ARRDC1: variants seen among roughly 807,000 people sequenced by gnomAD.
The protein encoded by ARRDC1 is arrestin domain-containing protein 1.
ARRDC1 carries 37 observed loss-of-function variants against 40.1 expected under a neutral mutation model. The observed-to-expected ratio is 0.92, with a 90% CI of 0.71 to 1.21. The LOEUF is 1.21. ARRDC1 is among the 50% of genes most tolerant of loss of function. ARRDC1 has a pLI of 0.00. For missense variants in ARRDC1, 641 were observed against 581.9 expected, an observed-to-expected ratio of 1.10 and a Z score of -1.04; for synonymous variants, 310 against 262.5, an observed-to-expected ratio of 1.18 and a Z score of -1.75.
Position 137,612,967 on chromosome 9 carries a change from G to A in ARRDC1, c.190G>A (p.Glu64Lys), listed in dbSNP as rs1842562482. The change falls in exon 2 of 8, where the codon GAG (glutamate) becomes AAG (lysine). Residue 64 changes from glutamate to lysine, a missense_variant. Coordinates refer to ENST00000371421, the MANE Select transcript of ARRDC1 (RefSeq NM_152285.4). Reference sequence around the variant, plus strand: ...TAATGACACAGCGTGGGTAGTGGAGGAGGGTTACTTCAACAGTTCCCTGTC... The same window carrying A: ...TAATGACACAGCGTGGGTAGTGGAGAAGGGTTACTTCAACAGTTCCCTGTC... Reference protein sequence around the residue: ...KANDTAWVVEEGYFNSSLSLA... With the variant: ...KANDTAWVVEKGYFNSSLSLA... 2 of 1,614,092 alleles carry A rather than the reference G, an allele frequency of 1.2e-6. No homozygotes were observed. The highest frequency in any genetic ancestry group is 1.3e-5 in the African/African-American group (1 of 74,958).
rs768516603 is a variant in ARRDC1, at chr9:137,613,061, G to A, written c.229+55G>A. On this transcript the variant is annotated intron_variant, in intron 2 of 7. Coordinates refer to ENST00000371421, the MANE Select transcript of ARRDC1 (RefSeq NM_152285.4). Reference sequence around the variant, plus strand: ...GACCCCTGGGGGCAGCCCTTGGAGTGGGGCCTGTCTGTCCTGTCCTCCCCC... The same window carrying A: ...GACCCCTGGGGGCAGCCCTTGGAGTAGGGCCTGTCTGTCCTGTCCTCCCCC... 4.5e-6 allele frequency: 6 copies of A among 1,338,904 alleles called. No individual in the cohort carries two copies. In the Admixed American group the frequency reaches 1.1e-4, roughly 25 times the overall value. The allele number at this position is 1,338,904 out of a possible 1,614,324, so 82.9% of individuals were successfully genotyped here.
In ARRDC1 at chr9:137,613,344, A is replaced by C. The variant is rs559518642; in HGVS notation, c.230-116A>C. On this transcript the variant is annotated intron_variant, in intron 2 of 7. Coordinates refer to ENST00000371421, the MANE Select transcript of ARRDC1 (RefSeq NM_152285.4). The stretch of plus-strand genomic sequence containing the variant: ...TGCTGCTGTGGCGCTGGTGACTGAG[A>C]CAGGGAGACCCAGTGTGAGCTGGTC... 7 of 1,174,376 alleles carry C rather than the reference A, an allele frequency of 6.0e-6. No individual in the cohort carries two copies. In the East Asian group the frequency reaches 1.8e-4, roughly 30 times the overall value. 72.7% of individuals were successfully genotyped at this position (1,174,376 alleles called of 1,614,324 possible). A position where few individuals can be genotyped will look rare whatever the true frequency, so the allele number is the denominator to read the frequency against.
intron 1 of ARRDC1, among the ~76,000 whole-genome samples, chr9:137,606,891 G>A (rs560138016): frequency 6.6e-6 from 1 of 152,358 alleles, no homozygotes. Flanking sequence ...GGACCCTGTC[G>A]TCCTTCCCCT....
chr9:137,614,331 C>G lies in ARRDC1; in HGVS notation c.651C>G (p.His217Gln), dbSNP rs755828826. Residue 217 changes from histidine (H) to glutamine (Q), a missense_variant, in exon 6 of 8, where the codon CAC becomes CAG. Transcript: ENST00000371421. ...CCTATAAGGCCAAGCGCTGGATCCACGACGTACGGACCATTGCGGAGGTGG... is the reference window on the plus strand; with the variant it reads ...CCTATAAGGCCAAGCGCTGGATCCAGGACGTACGGACCATTGCGGAGGTGG... ...KVSYKAKRWI[H>Q]DVRTIAEVEG... The G allele has an allele frequency of 6.2e-7, 1 of 1,609,996 alleles. No homozygotes were observed. Among genetic ancestry groups the G allele is most frequent in the East Asian group, 2.2e-5 (1 of 44,842 alleles).
At chr9:137,609,027 C>T (rs886498173) in intron 1 of ARRDC1, among the ~76,000 whole-genome samples, 2 of 152,162 alleles carry the variant, frequency 1.3e-5, no homozygotes, top group African/African-American at 4.8e-5. Flanking sequence ...TGACGGTTTT[C>T]GCGATGCTTT....
intron 1 of ARRDC1, among the ~76,000 whole-genome samples, chr9:137,607,221 G>A (rs1175744053): frequency 6.6e-6 from 1 of 152,364 alleles, no homozygotes; most frequent in East Asian, 1.9e-4. Flanking sequence ...AGGGTGTACC[G>A]GGGCCCCCGG....
rs1428685095 is a variant in ARRDC1, at chr9:137,614,541, C to T, written c.796-18C>T. On this transcript the variant is annotated intron_variant, in intron 6 of 7. Transcript: ENST00000371421. ...GCCTTGGCCCTGGCCCCTCATGCCC[C>T]ACCTCAATCCTGTCCAGGTCTCTCT... 6.2e-7 allele frequency: 1 copy of T among 1,612,892 alleles called. No individual in the cohort carries two copies.
chr9:137,606,110 G>C (rs985055959), intron 1 of ARRDC1, among the ~76,000 whole-genome samples: 6 of 151,040 alleles, frequency 4.0e-5, no homozygotes, highest in Non-Finnish European at 8.9e-5. Flanking sequence ...GCGGGCGCAC[G>C]CAGGCCTGCG....
At chr9:137,610,338 G>A (rs1287000075) in intron 1 of ARRDC1, among the ~76,000 whole-genome samples, 1 of 152,176 alleles carries the variant, frequency 6.6e-6, no homozygotes, top group Non-Finnish European at 1.5e-5. Context: ...GCTGGCATAC[G>A]GGTTAGTCTG....
Position 137,615,170 on chromosome 9 carries a change from C to G in ARRDC1, c.*32C>G, listed in dbSNP as rs1447258143. The G allele has an allele frequency of 6.7e-7, 1 of 1,503,354 alleles. No individual in the cohort carries two copies. Among genetic ancestry groups the G allele is most frequent in the Non-Finnish European group, 8.9e-7 (1 of 1,127,510 alleles). The allele number at this position is 1,503,354 out of a possible 1,614,324, so 93.1% of individuals were successfully genotyped here. A position where few individuals can be genotyped will look rare whatever the true frequency, so the allele number is the denominator to read the frequency against. Reference sequence around the variant, plus strand: ...GCTGCCTTCTCCAGGCAGGCCTGGCCTCTGCCCTGGGACTGGGGCGCCCAG... The same window carrying G: ...GCTGCCTTCTCCAGGCAGGCCTGGCGTCTGCCCTGGGACTGGGGCGCCCAG... On this transcript the variant is annotated 3_prime_UTR_variant, in exon 8 of 8. Transcript: ENST00000371421.
Position 137,614,146 on chromosome 9 carries a change from C to T in ARRDC1, c.550C>T (p.Gln184Ter), listed in dbSNP as rs753248417. The T allele has an allele frequency of 1.2e-6, 2 of 1,612,916 alleles. No homozygotes were observed. The highest frequency in any genetic ancestry group is 1.7e-6 in the Non-Finnish European group (2 of 1,179,360). The change falls in exon 5 of 8, where the codon CAG becomes TAG. Residue 184 changes from glutamine to a stop codon, truncating the protein, a stop_gained. Transcript: ENST00000371421. LOFTEE classifies it high-confidence loss of function. ...CGGCTATGTGGTGGGGCAGGCACTG[C>T]AGCTGCATGCCGACGTTGAGAACCA... ...LRGYVVGQAL[Q>*]LHADVENQSG...
intron 1 of ARRDC1, chr9:137,612,641 T>G: frequency 2.3e-6 from 1 of 428,186 alleles, no homozygotes; most frequent in Non-Finnish European, 4.2e-6. Flanking sequence ...AGCGTTGGGG[T>G]CTTTCTGCTC....
chr9:137,611,283 T>A (rs1842511747), intron 1 of ARRDC1, among the ~76,000 whole-genome samples: 1 of 152,150 alleles, frequency 6.6e-6, no homozygotes, highest in African/African-American at 2.4e-5. Context: ...GTACCGTGGC[T>A]CATGCCTGTA....
In ARRDC1 at chr9:137,605,725, G is replaced by C. The variant is rs750001196; in HGVS notation, c.8G>C (p.Arg3Pro). ...GGCCGGTGAGGCCGCGGCATGGGGC[G>C]AGTGCAGCTCTTCGAGATCAGCCTG... MG[R>P]VQLFEISLSH... The change falls in exon 1 of 8, where the codon CGA becomes CCA. Residue 3 changes from arginine to proline, a missense_variant. By Grantham distance (103) the Arg-to-Pro change is moderately radical. Transcript: ENST00000371421. 7.2e-7 allele frequency: 1 copy of C among 1,382,612 alleles called. No individual in the cohort carries two copies. The highest frequency in any genetic ancestry group is 1.5e-5 in the African/African-American group (1 of 66,040). 85.6% of individuals were successfully genotyped at this position (1,382,612 alleles called of 1,614,324 possible).
At position 137,615,090 on chromosome 9, in the gene ARRDC1, T is replaced by C. The variant is rs569374739; in HGVS notation, c.1254T>C (p.Tyr418=). ...WGYPYEAPPS[Y]EQSCGGVEPS... is the part of the protein sequence containing the mutation. ...TTCCCGCAGAGGCCCCACCGTCTTA[T>C]GAGCAGAGCTGCGGCGGCGTGGAAC... Residue 418 remains tyrosine (Y), a synonymous_variant, in exon 8 of 8, where the codon TAT becomes TAC. Transcript: ENST00000371421. The C allele has an allele frequency of 3.0e-5, 47 of 1,580,836 alleles. No homozygotes were observed. The highest frequency in any genetic ancestry group is 3.7e-5 in the Non-Finnish European group (43 of 1,161,188).
intron 1 of ARRDC1, chr9:137,611,813 C>G (rs1193134363): frequency 1.3e-5 from 2 of 152,546 alleles, no homozygotes; most frequent in African/African-American, 2.4e-5. Flanking sequence ...AATCCTGCTG[C>G]TCTGGGTGGC....
rs1198596950 is a variant in ARRDC1 at position 137,614,957 on chromosome 9, C to T, written c.1194C>T (p.Thr398=). The T allele has an allele frequency of 6.8e-6, 11 of 1,613,812 alleles. No individual in the cohort carries two copies. The highest frequency in any genetic ancestry group is 1.3e-5 in the African/African-American group (1 of 74,940). ...GSGGPVPTTS[T]LILPPEYSSW... is the part of the protein sequence containing the mutation. The stretch of plus-strand genomic sequence containing the variant: ...GGGGGCCAGTGCCCACTACCAGCAC[C>T]TTGATTCTTCCTCCAGAGTACAGTT... Residue 398 remains threonine, a synonymous_variant, in exon 7 of 8, where the codon ACC becomes ACT. Transcript: ENST00000371421.
At chr9:137,611,486 G>C (rs1360615800) in intron 1 of ARRDC1, 1 of 152,424 alleles carries the variant, frequency 6.6e-6, no homozygotes, top group Non-Finnish European at 1.5e-5. Context: ...TTGAACACAG[G>C]AGGTTAAGGC....
chr9:137,614,059 A>T lies in ARRDC1; in HGVS notation c.463A>T (p.Lys155Ter). 1 of 1,613,654 alleles carries T rather than the reference A, an allele frequency of 6.2e-7. No individual in the cohort carries two copies. Among genetic ancestry groups the T allele is most frequent in the East Asian group, 2.2e-5 (1 of 44,876 alleles). ...EQPNVASATK[K>*]FSYKLVKTGS... is the part of the protein sequence containing the mutation. ...ACCCAACGTGGCCTCTGCCACCAAG[A>T]AGTTCTCCTACAAGCTGGTGAAGAC... The change falls in exon 5 of 8, where the codon AAG becomes TAG. Residue 155 changes from lysine to a stop codon, truncating the protein, a stop_gained. Coordinates refer to ENST00000371421, the MANE Select transcript of ARRDC1 (RefSeq NM_152285.4). LOFTEE classifies it high-confidence loss of function.
Sources: allele counts gnomAD v4.1 joint callset (sites outside exome capture counted in the v4.1 genomes callset), GRCh38; gene constraint gnomAD v4.1.1; transcripts MANE v1.5; gene names NCBI Gene and HGNC (gene_info 2026-07-23, HGNC 2026-07-21).